MED12L: variants seen among roughly 807,000 people sequenced by gnomAD.
MED12L encodes mediator complex subunit 12L.
Under a neutral mutation model 281.3 loss-of-function variants are expected in MED12L, and 60 were observed. That is an observed-to-expected ratio of 0.21 (90% confidence interval 0.17 to 0.26). MED12L has a LOEUF of 0.26. Among genes scored for constraint, MED12L ranks in the 10% least tolerant of loss-of-function variants. MED12L has a pLI of 1.00. For synonymous variants in MED12L, 974 were observed against 987.2 expected (o/e 0.99, Z 0.25); for missense variants, 2,146 against 2,680.9 (o/e 0.80, Z 4.41).
chr3:151,145,002 T>C (rs1049225558), intron 5 of MED12L, among the ~76,000 whole-genome samples: 8 of 152,334 alleles, frequency 5.3e-5, no homozygotes, highest in East Asian at 3.9e-4. Flanking sequence ...GTAAGTTTGC[T>C]TTCTTCTGGG....
intron 16 of MED12L, among the ~76,000 whole-genome samples, chr3:151,298,358 A>G (rs1449559006): frequency 6.6e-6 from 1 of 152,228 alleles, no homozygotes; most frequent in African/African-American, 2.4e-5. Flanking sequence ...TAGCTTGGTC[A>G]TTCAGTTAAG....
At chr3:151,166,139 C>T (rs190042282) in intron 11 of MED12L, among the ~76,000 whole-genome samples, 157 bp downstream of exon 11, 70 of 152,164 alleles carry the variant, frequency 4.6e-4, no homozygotes, top group African/African-American at 1.6e-3. Flanking sequence ...ACTAAGATTA[C>T]CTACCATTAT....
At chr3:151,261,257 A>G (rs1219126912) in intron 16 of MED12L, 1 of 152,168 alleles carries the variant, frequency 6.6e-6, no homozygotes, top group African/African-American at 2.4e-5. Flanking sequence ...AAAAAACCCC[A>G]AAAGGCAGAG....
chr3:151,436,450 G>GTTA lies in MED12L; in HGVS notation c.*3649_*3651dup, dbSNP rs1720227402. 4 of 385,616 alleles carry GTTA rather than the reference G, an allele frequency of 1.0e-5. No individual in the cohort carries two copies. The highest frequency in any genetic ancestry group is 8.7e-5 in the South Asian group (2 of 23,006). The allele number at this position is 385,616 out of a possible 1,614,324, so 23.9% of individuals were successfully genotyped here. On this transcript the variant is annotated 3_prime_UTR_variant, in exon 45 of 45. Coordinates refer to ENST00000687756, the MANE Select transcript of MED12L (RefSeq NM_001393769.1). ...TGAACCGTTTCAATGTTTGTTTATT[G>GTTA]TTATTTGTTGGCAAAATAAAAGTGC...
At chr3:151,408,077 C>G (rs1372452303) in intron 39 of MED12L, among the ~76,000 whole-genome samples, 1 of 152,124 alleles carries the variant, frequency 6.6e-6, no homozygotes, top group Non-Finnish European at 1.5e-5. Flanking sequence ...GGAAAGAGCC[C>G]TAGGCTTTCA....
chr3:151,246,296 A>G (rs1309334448), intron 16 of MED12L, among the ~76,000 whole-genome samples: 1 of 152,268 alleles, frequency 6.6e-6, no homozygotes. Context: ...GAACCAAAAA[A>G]GAGCCCGTAT....
At chr3:151,269,583 C>T in intron 16 of MED12L, 2 of 288,130 alleles carry the variant, frequency 6.9e-6, no homozygotes, top group South Asian at 3.8e-5. Flanking sequence ...CATTTGTCAG[C>T]CATCCACAAG....
At chr3:151,163,791 A>C in intron 8 of MED12L, 102 bp from the exon 9 acceptor site, 1 of 1,150,834 alleles carries the variant, frequency 8.7e-7, no homozygotes, top group African/African-American at 1.6e-5. Flanking sequence ...TACTAGTAGG[A>C]GACAATAATA....
intron 3 of MED12L, among the ~76,000 whole-genome samples, chr3:151,120,067 A>G: frequency 6.6e-6 from 1 of 151,658 alleles, no homozygotes. Flanking sequence ...AAAAAAAAAA[A>G]AAAAAAAATT....
At chr3:151,235,659 A>G (rs1175608463) in intron 16 of MED12L, among the ~76,000 whole-genome samples, 6 of 151,828 alleles carry the variant, frequency 4.0e-5, no homozygotes, top group Non-Finnish European at 7.4e-5. Flanking sequence ...GCGCCACTGC[A>G]CTCCAGCCTG....
chr3:151,400,618 T>C (rs1347398169), intron 39 of MED12L, among the ~76,000 whole-genome samples: 2 of 152,150 alleles, frequency 1.3e-5, no homozygotes, highest in Non-Finnish European at 2.9e-5. Flanking sequence ...GATGACTGAG[T>C]CAGAACCTCC....
At chr3:151,348,948 C>T (rs2150011872) in intron 16 of MED12L, among the ~76,000 whole-genome samples, 1 of 152,306 alleles carries the variant, frequency 6.6e-6, no homozygotes, top group East Asian at 1.9e-4. Flanking sequence ...TTTGTTTTCT[C>T]TGTGAGGAAT....
chr3:151,338,938 G>A, intron 16 of MED12L: 2 of 1,251,908 alleles, frequency 1.6e-6, no homozygotes, highest in South Asian at 1.3e-5. Flanking sequence ...TAACTTTTTT[G>A]GACACAGCCT....
intron 16 of MED12L, among the ~76,000 whole-genome samples, chr3:151,349,516 T>C (rs1752962615): frequency 6.6e-6 from 1 of 152,144 alleles, no homozygotes; most frequent in African/African-American, 2.4e-5. Context: ...GCTCCTGTCC[T>C]CAAGAGATCC....
At chr3:151,125,791 T>A (rs1179620996) in intron 4 of MED12L, among the ~76,000 whole-genome samples, 2 of 152,204 alleles carry the variant, frequency 1.3e-5, no homozygotes, top group Non-Finnish European at 2.9e-5. Context: ...CTTGTAAGCC[T>A]GATTTTCAGG....
At chr3:151,403,924 CAG>C (rs1170194556) in intron 39 of MED12L, among the ~76,000 whole-genome samples, 1 of 152,152 alleles carries the variant, frequency 6.6e-6, no homozygotes, top group Admixed American at 6.5e-5. Flanking sequence ...TTTTTCTTGA[CAG>C]TTTATGGTAT....
At position 151,085,705 on chromosome 3, in the gene MED12L, A is replaced by C. The variant is rs1719052450; in HGVS notation, c.-361A>C. 1 of 151,888 alleles carries C rather than the reference A, an allele frequency of 6.6e-6. No individual in the cohort carries two copies. Among genetic ancestry groups the C allele is most frequent in the Admixed American group, 6.5e-5 (1 of 15,288 alleles). 9.4% of individuals were successfully genotyped at this position (151,888 alleles called of 1,614,324 possible). On this transcript the variant is annotated 5_prime_UTR_variant, in exon 1 of 45. Transcript: ENST00000687756. ...CCGCGCCGCCGTCCGCCAACTCGGA[A>C]GCTCGCGCTCCCGGGCCGTGGGGGC... is the stretch of plus-strand genomic sequence containing the variant.
intron 41 of MED12L, among the ~76,000 whole-genome samples, chr3:151,412,432 G>A (rs11923424): frequency 0.28 from 42,311 of 152,022 alleles, 7,243 homozygotes; most frequent in Non-Finnish European, 0.38. Context: ...AAGTTCTGTT[G>A]GATAGTACTG....
At chr3:151,126,397 A>C (rs1282861497) in intron 4 of MED12L, among the ~76,000 whole-genome samples, 1 of 152,112 alleles carries the variant, frequency 6.6e-6, no homozygotes, top group Non-Finnish European at 1.5e-5. Context: ...AGCATTGAAA[A>C]GCTTTATGGT....
Sources: gnomAD v4.1 joint callset for allele counts (sites outside exome capture counted in the v4.1 genomes callset) on GRCh38, gnomAD v4.1.1 for gene constraint, MANE v1.5 for transcripts, NCBI Gene and HGNC (gene_info 2026-07-23, HGNC 2026-07-21) for gene names.